MYO6: variants seen among roughly 807,000 people sequenced by gnomAD.
MYO6 encodes unconventional myosin-VI.
MYO6 carries 74 observed loss-of-function variants against 178.7 expected under a neutral mutation model. That is an observed-to-expected ratio of 0.41 (90% CI 0.34 to 0.50). The LOEUF is 0.50. Ranked by LOEUF, MYO6 falls within the 20% of genes least tolerant of loss-of-function variation. MYO6 has a pLI of 0.09. For missense variants in MYO6, 1,330 were observed against 1,547.4 expected (o/e 0.86, Z 2.36); for synonymous variants, 477 against 504.6 (o/e 0.95, Z 0.73).
At chr6:75,756,921 A>G (rs527269065) in intron 1 of MYO6, among the ~76,000 whole-genome samples, 1 of 146,828 alleles carries the variant, frequency 6.8e-6, no homozygotes, top group South Asian at 2.1e-4. Context: ...ACACATATAT[A>G]TACACACCAT....
intron 2 of MYO6, 59 bp downstream of exon 2, chr6:75,817,723 C>G (rs1304046879): frequency 2.8e-6 from 4 of 1,419,574 alleles, no homozygotes; most frequent in Non-Finnish European, 4.0e-6. Context: ...TGTTTTTTTT[C>G]ACAAGAGTAA....
intron 1 of MYO6, among the ~76,000 whole-genome samples, chr6:75,765,645 G>A (rs1233435125): frequency 1.3e-5 from 2 of 152,112 alleles, no homozygotes; most frequent in East Asian, 3.8e-4. Context: ...CTACTCAGGA[G>A]GCTGAGGTGG....
At chr6:75,860,848 AG>A (rs1159343125) in intron 14 of MYO6, among the ~76,000 whole-genome samples, 174 bp from the exon 15 acceptor site, 1 of 152,284 alleles carries the variant, frequency 6.6e-6, no homozygotes, top group African/African-American at 2.4e-5. Context: ...CCTTACCTTT[AG>A]TGCCTGTCTG....
At chr6:75,899,949 T>C (rs983111656) in intron 30 of MYO6, among the ~76,000 whole-genome samples, 17 of 142,180 alleles carry the variant, frequency 1.2e-4, no homozygotes, top group African/African-American at 4.2e-4. Context: ...TGTGTTCTCA[T>C]TGTTCAGTTC....
At chr6:75,802,626 C>A (rs1034145122) in intron 1 of MYO6, among the ~76,000 whole-genome samples, 9 of 151,898 alleles carry the variant, frequency 5.9e-5, no homozygotes, top group Non-Finnish European at 8.8e-5. Context: ...GCTGGGACCA[C>A]AGGCATGCAC....
chr6:75,803,257 A>G (rs1200738776), intron 1 of MYO6, among the ~76,000 whole-genome samples: 2 of 152,148 alleles, frequency 1.3e-5, no homozygotes, highest in Non-Finnish European at 2.9e-5. Flanking sequence ...TAGTAAGCTT[A>G]TTAATGACAT....
At chr6:75,817,268 GCA>G (rs1332820431) in intron 1 of MYO6, among the ~76,000 whole-genome samples, 3 of 146,730 alleles carry the variant, frequency 2.0e-5, no homozygotes, top group Non-Finnish European at 4.4e-5. Context: ...TTGTGCCACC[GCA>G]CTCCAGCCTG....
intron 1 of MYO6, among the ~76,000 whole-genome samples, chr6:75,772,821 G>T (rs921515638): frequency 2.6e-5 from 4 of 152,164 alleles, no homozygotes; most frequent in African/African-American, 9.6e-5. Context: ...AAGTGCTAAA[G>T]TTTTGAGATA....
chr6:75,778,591 C>G (rs951087542), intron 1 of MYO6, among the ~76,000 whole-genome samples: 8 of 148,138 alleles, frequency 5.4e-5, no homozygotes, highest in Non-Finnish European at 8.9e-5. Flanking sequence ...AGCGAGACTC[C>G]GTCTCAAAAA....
chr6:75,771,090 C>T (rs1296500989), intron 1 of MYO6, among the ~76,000 whole-genome samples: 4 of 151,628 alleles, frequency 2.6e-5, no homozygotes, highest in African/African-American at 9.7e-5. Flanking sequence ...GCAGCCTCGA[C>T]CTCCTGGGCT....
Position 75,802,118 on chromosome 6 carries a change from G to T in MYO6, c.-47-15383G>T, listed in dbSNP as rs191114973. Among the ~76,000 whole-genome samples the T allele has an allele frequency of 1.8e-3, 268 of 152,172 alleles. 3 individuals are homozygous for T. The highest frequency in any genetic ancestry group is 3.1e-3 in the Non-Finnish European group (210 of 68,004). On this transcript the variant is annotated intron_variant, in intron 1 of 34. Coordinates refer to ENST00000369977, the MANE Select transcript of MYO6 (RefSeq NM_004999.4). The stretch of plus-strand genomic sequence containing the variant: ...CTGATTCTCAGGGAGTCATTTAAAT[G>T]CAATACTAAGCGGAAGACAAAATTA...
At chr6:75,817,878 G>A (rs1771447340) in intron 2 of MYO6, among the ~76,000 whole-genome samples, 1 of 152,132 alleles carries the variant, frequency 6.6e-6, no homozygotes, top group Non-Finnish European at 1.5e-5. Flanking sequence ...TGGAAATTTA[G>A]TGAGCCTTTC....
chr6:75,862,768 A>G (rs1776310484), intron 16 of MYO6, 45 bp downstream of exon 16: 1 of 1,604,052 alleles, frequency 6.2e-7, no homozygotes, highest in Non-Finnish European at 8.5e-7. Context: ...GGGACGAGAC[A>G]TTATTAAAAA....
At chr6:75,824,968 A>C (rs962078719) in intron 3 of MYO6, among the ~76,000 whole-genome samples, 6 of 152,096 alleles carry the variant, frequency 3.9e-5, no homozygotes, top group African/African-American at 1.4e-4. Flanking sequence ...TATGTTGGCC[A>C]GGTTGGTCTC....
chr6:75,873,228 A>G lies in MYO6; in HGVS notation c.2005A>G (p.Ile669Val). 1 of 1,614,092 alleles carries G rather than the reference A, an allele frequency of 6.2e-7. No individual in the cohort carries two copies. The change falls in exon 20 of 35, where the codon ATC becomes GTC. Residue 669 changes from isoleucine (I) to valine (V), a missense_variant. By Grantham distance (29) the Ile-to-Val change is conservative. Around this residue, in one of 3 missense-constraint regions of MYO6, gnomAD observed 613 missense variants for 816.8 expected, o/e 0.75. Transcript: ENST00000369977. ...RSTGASFIRC[I>V]KPNLKMTSHH... ...CTAGGGAGCAAGCTTTATTCGTTGCATCAAACCTAACTTAAAGATGACAAG... is the reference window on the plus strand; with the variant it reads ...CTAGGGAGCAAGCTTTATTCGTTGCGTCAAACCTAACTTAAAGATGACAAG...
At chr6:75,761,042 A>G (rs530988308) in intron 1 of MYO6, among the ~76,000 whole-genome samples, 1 of 152,078 alleles carries the variant, frequency 6.6e-6, no homozygotes, top group African/African-American at 2.4e-5. Context: ...TATCTGGGGG[A>G]AGAACAAAGA....
chr6:75,848,284 G>A (rs1774922125), intron 10 of MYO6, 67 bp from the exon 11 acceptor site: 1 of 1,387,484 alleles, frequency 7.2e-7, no homozygotes, highest in Admixed American at 1.7e-5. Flanking sequence ...TAATTGACCT[G>A]GTGTAGTAGT....
intron 25 of MYO6, among the ~76,000 whole-genome samples, chr6:75,889,449 C>T (rs1350793901): frequency 6.6e-6 from 1 of 152,064 alleles, no homozygotes; most frequent in African/African-American, 2.4e-5. Context: ...GCTCTGTTGC[C>T]CAGTCTGGAG....
chr6:75,854,977 G>GTT (rs1217074089), intron 11 of MYO6, among the ~76,000 whole-genome samples, 162 bp from the exon 12 acceptor site: 1 of 152,160 alleles, frequency 6.6e-6, no homozygotes, highest in Non-Finnish European at 1.5e-5. Flanking sequence ...CAGTACGGGT[G>GTT]TTTGACAAGG....
Sources: allele counts gnomAD v4.1 joint callset (sites outside exome capture counted in the v4.1 genomes callset), GRCh38; gene constraint gnomAD v4.1.1; regional missense constraint gnomAD v4.1.1; transcripts MANE v1.5; gene names NCBI Gene and HGNC (gene_info 2026-07-23, HGNC 2026-07-21).